The following DNAJC1 variants were observed in gnomAD, a reference collection of about 807,000 sequenced individuals.
The protein encoded by DNAJC1 is DnaJ heat shock protein family (Hsp40) member C1.
DNAJC1 carries 58 observed loss-of-function variants against 76.6 expected under a neutral mutation model. That is an observed-to-expected ratio of 0.76 (90% CI 0.61 to 0.94). The LOEUF (loss-of-function observed/expected upper bound fraction) is 0.94, where lower values mean the gene tolerates loss of function less well. DNAJC1 is among the 40% of genes least tolerant of loss of function. The pLI is 0.00. For synonymous variants in DNAJC1, 258 were observed against 267.9 expected, an observed-to-expected ratio of 0.96 and a Z score of 0.36; for missense variants, 689 against 677.3, an observed-to-expected ratio of 1.02 and a Z score of -0.19.
Position 21,878,510 on chromosome 10 carries a change from A to G in DNAJC1, c.978+3772T>C, listed in dbSNP as rs539825679. On this transcript the variant is annotated intron_variant, in intron 8 of 11. Coordinates refer to ENST00000376980, the MANE Select transcript of DNAJC1 (RefSeq NM_022365.4). ...ACAGTAAGTAGTTGTGTATGTTTTG[A>G]TAAGTTTTAACTTTTTATGATAGGT... Among the ~76,000 whole-genome samples the G allele has an allele frequency of 5.9e-5, 9 of 152,230 alleles. No individual in the cohort carries two copies. The East Asian group carries it at 1.5e-3, about 26-fold the overall frequency.
At chr10:21,989,750 T>C (rs1838300714) in intron 1 of DNAJC1, among the ~76,000 whole-genome samples, 1 of 152,190 alleles carries the variant, frequency 6.6e-6, no homozygotes, top group Non-Finnish European at 1.5e-5. Flanking sequence ...TATCTGGATC[T>C]GCAATGGCCC....
At chr10:21,988,397 C>T (rs76549395) in intron 1 of DNAJC1, among the ~76,000 whole-genome samples, 1,729 of 152,184 alleles carry the variant, frequency 0.011, 19 homozygotes, top group Middle Eastern at 0.027. Flanking sequence ...ATTAAAAAAT[C>T]GATGTGCTCC....
At chr10:21,812,774 G>GA (rs1397612660) in intron 8 of DNAJC1, among the ~76,000 whole-genome samples, 1 of 151,910 alleles carries the variant, frequency 6.6e-6, no homozygotes, top group Non-Finnish European at 1.5e-5. Context: ...TAGGTTTATA[G>GA]AAAGTTTTAG....
rs190306503 is a variant in DNAJC1 at position 21,995,595 on chromosome 10, T to C, written c.222+7618A>G. Among the ~76,000 whole-genome samples the C allele has an allele frequency of 3.9e-5, 6 of 152,362 alleles. No individual in the cohort carries two copies. In the East Asian group the frequency reaches 5.8e-4, roughly 15 times the overall value. On this transcript the variant is annotated intron_variant, in intron 1 of 11. Transcript: ENST00000376980. ...GCTTTAATATTAAGCAACTCAAATA[T>C]ATTAGTTAACTGTGTAGCTGCACAG...
chr10:21,946,613 T>A (rs1837509816), intron 1 of DNAJC1, among the ~76,000 whole-genome samples: 1 of 152,168 alleles, frequency 6.6e-6, no homozygotes, highest in Non-Finnish European at 1.5e-5. Flanking sequence ...CAGTATCTAC[T>A]AAAGCTGAAC....
intron 1 of DNAJC1, among the ~76,000 whole-genome samples, chr10:21,945,361 A>T (rs1375898836): frequency 6.6e-6 from 1 of 152,212 alleles, no homozygotes; most frequent in Admixed American, 6.5e-5. Context: ...ATGGAAAAAG[A>T]TACGTGGCTG....
chr10:21,879,313 T>A (rs1836234316), intron 8 of DNAJC1, among the ~76,000 whole-genome samples: 1 of 152,164 alleles, frequency 6.6e-6, no homozygotes, highest in East Asian at 1.9e-4. Flanking sequence ...ATTTTTTTTG[T>A]TTCCCAGTAC....
intron 8 of DNAJC1, among the ~76,000 whole-genome samples, chr10:21,835,696 C>T (rs939007048): frequency 2.6e-4 from 39 of 152,128 alleles, no homozygotes; most frequent in Admixed American, 1.1e-3. Context: ...CCTCAGTAGC[C>T]GATGCGATCA....
chr10:21,799,612 T>C (rs934030259), intron 9 of DNAJC1, among the ~76,000 whole-genome samples: 18 of 152,100 alleles, frequency 1.2e-4, no homozygotes, highest in African/African-American at 3.9e-4. Context: ...CTTTTTTTTC[T>C]TTTCCACATT....
At chr10:21,779,223 T>C (rs1224774344) in intron 9 of DNAJC1, among the ~76,000 whole-genome samples, 1 of 152,206 alleles carries the variant, frequency 6.6e-6, no homozygotes, top group South Asian at 2.1e-4. Flanking sequence ...TAAATGTCCC[T>C]GTGTGACAGC....
chr10:21,967,784 C>G (rs1172329505), intron 1 of DNAJC1, among the ~76,000 whole-genome samples: 1 of 152,062 alleles, frequency 6.6e-6, no homozygotes, highest in Non-Finnish European at 1.5e-5. Flanking sequence ...CATCAATTAT[C>G]AGTACACAAG....
At chr10:21,812,559 C>CTT (rs539824346) in intron 8 of DNAJC1, among the ~76,000 whole-genome samples, 1 of 151,338 alleles carries the variant, frequency 6.6e-6, no homozygotes, top group Non-Finnish European at 1.5e-5. Flanking sequence ...TCTATATTTT[C>CTT]TTTTTTAATA....
chr10:21,836,397 G>C (rs1345856014), intron 8 of DNAJC1, among the ~76,000 whole-genome samples: 1 of 152,124 alleles, frequency 6.6e-6, no homozygotes, highest in Non-Finnish European at 1.5e-5. Context: ...AGACCATCAA[G>C]GCTAGGAAGA....
chr10:21,788,275 C>A (rs1030527574), intron 9 of DNAJC1, among the ~76,000 whole-genome samples: 1 of 152,230 alleles, frequency 6.6e-6, no homozygotes, highest in African/African-American at 2.4e-5. Flanking sequence ...TGCTGGAGCC[C>A]TGCATCCATG....
At position 21,767,944 on chromosome 10, in the gene DNAJC1, G is replaced by A. The variant is rs148659960; in HGVS notation, c.1099-1635C>T. On this transcript the variant is annotated intron_variant, in intron 9 of 11. Transcript: ENST00000376980. ...CAGGAGGTAGAGGTTGCAGTGAGCT[G>A]AGATTACGTCACTGCACTCCAGCCT... Among the ~76,000 whole-genome samples, 268 of 152,118 alleles carry A rather than the reference G, an allele frequency of 1.8e-3. 1 individual carries two copies. The East Asian group carries it at 0.032, about 18-fold the overall frequency.
chr10:21,781,937 G>C (rs1305922353), intron 9 of DNAJC1, among the ~76,000 whole-genome samples: 1 of 152,098 alleles, frequency 6.6e-6, no homozygotes, highest in Non-Finnish European at 1.5e-5. Flanking sequence ...ATGCCCACCA[G>C]AGAAAGCAGG....
chr10:21,837,759 C>T (rs867013828), intron 8 of DNAJC1, among the ~76,000 whole-genome samples: 27 of 150,072 alleles, frequency 1.8e-4, no homozygotes, highest in African/African-American at 5.1e-4. Flanking sequence ...GCCCGGCAGC[C>T]GCCTGGTCCA....
chr10:21,900,200 G>A (rs191688443), intron 7 of DNAJC1, among the ~76,000 whole-genome samples: 4 of 151,902 alleles, frequency 2.6e-5, no homozygotes, highest in South Asian at 2.1e-4. Context: ...AAAATTAGCC[G>A]GTCATGGTGG....
chr10:21,910,115 CTT>C (rs11362698), intron 6 of DNAJC1, among the ~76,000 whole-genome samples: 2 of 146,226 alleles, frequency 1.4e-5, no homozygotes, highest in Middle Eastern at 3.5e-3. Context: ...TACATTAAAC[CTT>C]TTTTTTTTTT....
Sources: allele counts gnomAD v4.1 joint callset (sites outside exome capture counted in the v4.1 genomes callset), GRCh38; gene constraint gnomAD v4.1.1; transcripts MANE v1.5; gene names NCBI Gene and HGNC (gene_info 2026-07-23, HGNC 2026-07-21).